Variants in CPLX2 observed in about 807,000 individuals in gnomAD.
CPLX2 encodes complexin-2.
In CPLX2, 5 loss-of-function variants were observed where a neutral mutation model predicts 16.3. The observed-to-expected ratio is 0.31, with a 90% CI of 0.16 to 0.64. The LOEUF (loss-of-function observed/expected upper bound fraction) is 0.64, where lower values mean the gene tolerates loss of function less well. CPLX2 is among the 30% of genes least tolerant of loss of function. The pLI is 0.79. For missense variants in CPLX2, 144 were observed against 181.4 expected, an observed-to-expected ratio of 0.79 and a Z score of 1.18; for synonymous variants, 89 against 73.2, an observed-to-expected ratio of 1.22 and a Z score of -1.10.
rs1053962890 is a variant in CPLX2 at position 175,883,791 on chromosome 5, T to C, written c.*3746T>C. On this transcript the variant is annotated 3_prime_UTR_variant, in exon 4 of 4. Transcript: ENST00000393745. ...GCGGGGAGTCCTGGTGAGACCCCGG[T>C]GAGATGGACCATCCTGCCCCCGTGG... is the stretch of plus-strand genomic sequence containing the variant. 5 of 152,688 alleles carry C rather than the reference T, an allele frequency of 3.3e-5. No individual in the cohort carries two copies. The highest frequency in any genetic ancestry group is 1.2e-4 in the African/African-American group (5 of 41,402). 9.5% of individuals were successfully genotyped at this position (152,688 alleles called of 1,614,324 possible). A position where few individuals can be genotyped will look rare whatever the true frequency, so the allele number is the denominator to read the frequency against.
intron 2 of CPLX2, chr5:175,861,764 G>A (rs930255559): frequency 6.6e-5 from 10 of 152,250 alleles, no homozygotes; most frequent in African/African-American, 2.4e-4. Context: ...ACTGGGAAAG[G>A]TGAGTGTTGC....
chr5:175,815,341 C>A (rs998694703), intron 2 of CPLX2, among the ~76,000 whole-genome samples: 2 of 151,944 alleles, frequency 1.3e-5, no homozygotes, highest in African/African-American at 4.8e-5. Context: ...CCGACTCACT[C>A]AGGGGCTGCA....
At chr5:175,812,426 C>T (rs1000352413) in intron 2 of CPLX2, among the ~76,000 whole-genome samples, 2 of 152,200 alleles carry the variant, frequency 1.3e-5, no homozygotes, top group African/African-American at 2.4e-5. Context: ...TTCCTATCAT[C>T]CCCTTTGTAC....
intron 2 of CPLX2, among the ~76,000 whole-genome samples, chr5:175,810,070 T>C (rs914304198): frequency 2.6e-5 from 4 of 152,214 alleles, no homozygotes; most frequent in Admixed American, 6.5e-5. Context: ...TGCCTTGTCT[T>C]CACTGTTCAC....
chr5:175,877,351 A>T (rs114950191), intron 1 of CPLX2, among the ~76,000 whole-genome samples: 2,183 of 151,938 alleles, frequency 0.014, 25 homozygotes, highest in Non-Finnish European at 0.019. Context: ...TACCGATATG[A>T]CTTCTCATCT....
At chr5:175,836,799 TG>T (rs1448445235) in intron 2 of CPLX2, among the ~76,000 whole-genome samples, 3 of 152,206 alleles carry the variant, frequency 2.0e-5, no homozygotes, top group Non-Finnish European at 4.4e-5. Context: ...TTACAGTCTA[TG>T]AAGCTCCAGC....
At chr5:175,807,111 C>T (rs1045441106) in intron 1 of CPLX2, among the ~76,000 whole-genome samples, 9 of 152,186 alleles carry the variant, frequency 5.9e-5, no homozygotes, top group Admixed American at 3.9e-4. Flanking sequence ...GCGTGCTCAA[C>T]GGGCCCCTCG....
At chr5:175,876,451 G>T (rs1426017739) in intron 1 of CPLX2, among the ~76,000 whole-genome samples, 1 of 152,098 alleles carries the variant, frequency 6.6e-6, no homozygotes, top group Non-Finnish European at 1.5e-5. Flanking sequence ...AGGAAGAGAA[G>T]AAAAGAGGAG....
At chr5:175,811,283 A>C (rs1758307912) in intron 2 of CPLX2, among the ~76,000 whole-genome samples, 1 of 152,190 alleles carries the variant, frequency 6.6e-6, no homozygotes, top group Admixed American at 6.5e-5. Context: ...TTGAGAAGCA[A>C]ACTTCAGGAT....
Position 175,845,999 on chromosome 5 carries a change from C to G in CPLX2, c.-88-32653C>G, listed in dbSNP as rs1460152632. 6.6e-6 allele frequency among the ~76,000 whole-genome samples: 1 copy of G among 152,130 alleles called. No individual in the cohort carries two copies. Among genetic ancestry groups the G allele is most frequent in the African/African-American group, 2.4e-5 (1 of 41,428 alleles). On this transcript the variant is annotated intron_variant, in intron 2 of 4. Transcript: ENST00000359546. This position sits in a 1 kb window ranked among gnomAD's most constrained non-coding sequence, Gnocchi z 4.0. ...CCTCACCTCCTGAAATCAATCAGGG[C>G]GAGACCTTAGTGAGGGCACTAAGGT...
At chr5:175,857,887 A>G (rs1452650733) in intron 2 of CPLX2, among the ~76,000 whole-genome samples, 1 of 152,222 alleles carries the variant, frequency 6.6e-6, no homozygotes. Flanking sequence ...AGCAGTGTTA[A>G]GTGAGCACGA....
chr5:175,819,836 G>A (rs572137197), intron 2 of CPLX2, among the ~76,000 whole-genome samples: 3 of 152,224 alleles, frequency 2.0e-5, no homozygotes, highest in Non-Finnish European at 2.9e-5. Context: ...CAGAGGGTGC[G>A]GAGAGGACAG....
intron 1 of CPLX2, chr5:175,805,683 C>T (rs993686626): frequency 6.6e-6 from 1 of 152,460 alleles, no homozygotes; most frequent in African/African-American, 2.4e-5. Flanking sequence ...GTCAGAGGAG[C>T]TCACGTTGCC....
rs908522272 is a variant in CPLX2, at chr5:175,809,042, G to T, written c.-115G>T. 1.3e-5 allele frequency: 2 copies of T among 152,402 alleles called. No individual in the cohort carries two copies. The highest frequency in any genetic ancestry group is 2.9e-5 in the Non-Finnish European group (2 of 68,186). 9.4% of individuals were successfully genotyped at this position (152,402 alleles called of 1,614,324 possible). A position where few individuals can be genotyped will look rare whatever the true frequency, so the allele number is the denominator to read the frequency against. The stretch of plus-strand genomic sequence containing the variant: ...CTCTGCTCAGCGACTGAAGGTGCCC[G>T]CATCCCAGCTCTGCCAGGAAGCAAA... On this transcript the variant is annotated 5_prime_UTR_variant, in exon 2 of 5. Transcript: ENST00000359546. The surrounding 1 kb of genome is among the most constrained non-coding windows in gnomAD (Gnocchi z 4.4).
intron 2 of CPLX2, among the ~76,000 whole-genome samples, chr5:175,828,333 G>A (rs1272532878): frequency 5.9e-5 from 9 of 152,146 alleles, no homozygotes; most frequent in Admixed American, 1.3e-4. Context: ...ATGATGGTCT[G>A]GACGAAAGAA....
At chr5:175,871,804 A>C (rs368622578) in intron 1 of CPLX2, 99 bp downstream of exon 1, 1 of 152,460 alleles carries the variant, frequency 6.6e-6, no homozygotes, top group Non-Finnish European at 1.5e-5. Context: ...GAAGCTGGGG[A>C]GCACGGCTTT....
At chr5:175,853,691 C>G (rs1322448880) in intron 2 of CPLX2, among the ~76,000 whole-genome samples, 3 of 152,210 alleles carry the variant, frequency 2.0e-5, no homozygotes, top group Non-Finnish European at 4.4e-5. Flanking sequence ...CCCCTTCTCT[C>G]ATGGACATCC....
rs1755541027 is a variant in CPLX2 at position 175,880,159 on chromosome 5, C to T, written c.*114C>T. 3.5e-6 allele frequency: 4 copies of T among 1,157,428 alleles called. No individual in the cohort carries two copies. The highest frequency in any genetic ancestry group is 3.8e-6 in the Non-Finnish European group (3 of 787,904). The allele number at this position is 1,157,428 out of a possible 1,614,324, so 71.7% of individuals were successfully genotyped here. On this transcript the variant is annotated 3_prime_UTR_variant, in exon 4 of 4. Coordinates refer to ENST00000393745, the MANE Select transcript of CPLX2 (RefSeq NM_001008220.2). ...AGGGGAAAACCTCAGTTGGCCTCTG[C>T]CCCTCTTCCCTGGCCAGGGGCTTCT...
At chr5:175,854,818 C>T (rs931387602) in intron 2 of CPLX2, among the ~76,000 whole-genome samples, 15 of 152,116 alleles carry the variant, frequency 9.9e-5, no homozygotes, top group African/African-American at 3.4e-4. Context: ...CATGATCCAG[C>T]GCCACAGTGG....
Sources: allele counts gnomAD v4.1 joint callset (sites outside exome capture counted in the v4.1 genomes callset), GRCh38; gene constraint gnomAD v4.1.1; non-coding constraint Gnocchi (gnomAD v3.1); transcripts MANE v1.5; gene names NCBI Gene and HGNC (gene_info 2026-07-23, HGNC 2026-07-21).